The following LRP5 variants were observed in gnomAD, a reference collection of about 807,000 sequenced individuals.
LRP5 encodes the protein low-density lipoprotein receptor-related protein 5.
LRP5 carries 62 observed loss-of-function variants against 154.1 expected under a neutral mutation model. The ratio of observed to expected loss-of-function variants is 0.40; its 90% CI spans 0.33 to 0.50. The LOEUF is 0.50. Ranked by LOEUF, LRP5 falls within the 20% of genes least tolerant of loss-of-function variation. The probability of loss-of-function intolerance (pLI) is 0.55; values close to 1 mark genes in which losing one functional copy is unlikely to be tolerated. For missense variants in LRP5, 1,915 were observed against 2,336.7 expected, an observed-to-expected ratio of 0.82 and a Z score of 3.72; for synonymous variants, 966 against 1,011.5, an observed-to-expected ratio of 0.96 and a Z score of 0.85.
At chr11:68,444,728 G>T (rs1160756160) in intron 21 of LRP5, among the ~76,000 whole-genome samples, 1 of 152,048 alleles carries the variant, frequency 6.6e-6, no homozygotes, top group Non-Finnish European at 1.5e-5. Context: ...ACTGCCTTGG[G>T]ATGTAGGAGA....
intron 1 of LRP5, among the ~76,000 whole-genome samples, chr11:68,313,524 G>C (rs1274857087): frequency 1.3e-5 from 2 of 152,194 alleles, no homozygotes; most frequent in African/African-American, 2.4e-5. Context: ...GAGGTAGGGC[G>C]GGGGAACTTT....
intron 5 of LRP5, among the ~76,000 whole-genome samples, chr11:68,374,190 C>T (rs1440261801): frequency 6.6e-6 from 1 of 152,226 alleles, no homozygotes; most frequent in African/African-American, 2.4e-5. Flanking sequence ...AGACTGACAG[C>T]TGGAGCCGAC....
At chr11:68,385,524 C>T (rs1168517358) in intron 5 of LRP5, among the ~76,000 whole-genome samples, 1 of 152,234 alleles carries the variant, frequency 6.6e-6, no homozygotes, top group East Asian at 1.9e-4. Context: ...ATCCAAGGAG[C>T]CAGGGCCCTG....
At chr11:68,369,938 GTC>G (rs2153142837) in intron 5 of LRP5, among the ~76,000 whole-genome samples, 1 of 152,252 alleles carries the variant, frequency 6.6e-6, no homozygotes, top group East Asian at 1.9e-4. Flanking sequence ...CAGCTGCCAT[GTC>G]CACTGTCCAT....
Position 68,327,408 on chromosome 11 carries a change from G to A in LRP5, c.91+14603G>A, listed in dbSNP as rs565989610. Among the ~76,000 whole-genome samples the A allele has an allele frequency of 5.9e-5, 9 of 152,338 alleles. No homozygotes were observed. The South Asian group carries it at 1.7e-3, about 28-fold the overall frequency. ...CAGGTATGGGGAGGGTCACCCCAGC[G>A]CCTCTGCGGATCTGACCCACTGGCT... On this transcript the variant is annotated intron_variant, in intron 1 of 22. Transcript: ENST00000294304.
At chr11:68,438,082 C>T (rs745373387) in intron 19 of LRP5, among the ~76,000 whole-genome samples, 6 of 152,206 alleles carry the variant, frequency 3.9e-5, no homozygotes, top group South Asian at 2.1e-4. Context: ...CAGGGGCTGC[C>T]TGGCTTTGCT....
rs1211463287 is a variant in LRP5, at chr11:68,353,544, G to A, written c.489-4106G>A. 6.6e-6 allele frequency among the ~76,000 whole-genome samples: 1 copy of A among 152,184 alleles called. No homozygotes were observed. Among genetic ancestry groups the A allele is most frequent in the Non-Finnish European group, 1.5e-5 (1 of 68,038 alleles). Reference sequence around the variant, plus strand: ...TAGTGGTCCTCAGGCATAAGTGTGGGCGCTGAGTCCTGGGGCAGGACTGCT... The same window carrying A: ...TAGTGGTCCTCAGGCATAAGTGTGGACGCTGAGTCCTGGGGCAGGACTGCT... On this transcript the variant is annotated intron_variant, in intron 2 of 22. Transcript: ENST00000294304. This position sits in a 1 kb window ranked among gnomAD's most constrained non-coding sequence, Gnocchi z 4.5.
chr11:68,368,213 G>A (rs1388503878), intron 5 of LRP5, among the ~76,000 whole-genome samples: 2 of 152,208 alleles, frequency 1.3e-5, no homozygotes, highest in Admixed American at 6.5e-5. Flanking sequence ...CGAGGCACAC[G>A]TGTGGTGGGG....
the LRP5 span, among the ~76,000 whole-genome samples, chr11:68,303,961 A>G: frequency 6.6e-6 from 1 of 152,248 alleles, no homozygotes; most frequent in Non-Finnish European, 1.5e-5. Context: ...CAAAGAAAGA[A>G]AAAGCTTTTT....
At chr11:68,389,735 G>A (rs1326964114) in intron 6 of LRP5, 146 bp from the exon 7 acceptor site, 3 of 793,832 alleles carry the variant, frequency 3.8e-6, no homozygotes, top group African/African-American at 3.4e-5. Flanking sequence ...TACGAGCACC[G>A]ACATTTACTG....
rs578011670 is a variant in LRP5 at position 68,438,605 on chromosome 11, A to C, written c.4271A>C (p.His1424Pro). 1 of 1,613,910 alleles carries C rather than the reference A, an allele frequency of 6.2e-7. No homozygotes were observed. The highest frequency in any genetic ancestry group is 1.3e-5 in the African/African-American group (1 of 75,052). The change falls in exon 20 of 23, where the codon CAC becomes CCC. Residue 1424 changes from histidine to proline, a missense_variant. By Grantham distance (77) the His-to-Pro change is moderately conservative (BLOSUM62 -2). Coordinates refer to ENST00000294304, the MANE Select transcript of LRP5 (RefSeq NM_002335.4). The stretch of plus-strand genomic sequence containing the variant: ...GCGGGGGCCAACGGGCCCTTCCCGC[A>C]CGAGTATGTCAGCGGGACCCCGCAC... The part of the protein sequence containing the change: ...RYAGANGPFP[H>P]EYVSGTPHVP...
chr11:68,428,136 G>A (rs982537022), intron 16 of LRP5, among the ~76,000 whole-genome samples: 2 of 151,662 alleles, frequency 1.3e-5, no homozygotes, highest in African/African-American at 2.4e-5. Context: ...GGGATTACAG[G>A]CACCCACCAC....
In LRP5 at chr11:68,439,886, G is replaced by T. The variant is rs75571306; in HGVS notation, c.4458G>T (p.Ser1486=). 2.2e-3 allele frequency: 3,438 copies of T among 1,574,316 alleles called. 71 individuals carry two copies. The African/African-American group carries it at 0.041, about 19-fold the overall frequency. The change falls in exon 21 of 23, where the codon TCG becomes TCT. Residue 1486 remains serine (S), a synonymous_variant. Transcript: ENST00000294304. ...NHVTGASSSS[S]SSTKATLYPP... ...TCACAGGGGCCTCGTCCAGCAGCTC[G>T]TCCAGCACGAAGGCCACGCTGTACC...
Position 68,390,058 on chromosome 11 carries a change from G to A in LRP5, c.1584+6G>A, listed in dbSNP as rs534512623. The stretch of plus-strand genomic sequence containing the variant: ...CCAAGACAGACAAGATCGAGGTGAG[G>A]CTCCTGTGGACATGTTTGATCCAGG... On this transcript the variant is annotated splice_donor_region_variant and intron_variant, in intron 7 of 22. Coordinates refer to ENST00000294304, the MANE Select transcript of LRP5 (RefSeq NM_002335.4). The A allele has an allele frequency of 6.2e-7, 1 of 1,614,214 alleles. No homozygotes were observed. Among genetic ancestry groups the A allele is most frequent in the Non-Finnish European group, 8.5e-7 (1 of 1,180,026 alleles).
chr11:68,310,637 G>A (rs2098587120), upstream of LRP5, among the ~76,000 whole-genome samples: 1 of 150,430 alleles, frequency 6.6e-6, no homozygotes, highest in South Asian at 2.1e-4. Flanking sequence ...AACAACAAAA[G>A]CTAACTACTT....
chr11:68,439,828 G>A lies in LRP5; in HGVS notation c.4400G>A (p.Arg1467Gln), dbSNP rs150332207. Residue 1467 changes from arginine (R) to glutamine (Q), a missense_variant, in exon 21 of 23, where the codon CGG (arginine) becomes CAG (glutamine). Physicochemically the swap from Arg to Gln is conservative, Grantham distance 43 (BLOSUM62 1). Around this residue, in one of 3 missense-constraint regions of LRP5, gnomAD observed 1,094 missense variants for 1,210.1 expected, o/e 0.90. Transcript: ENST00000294304. ...AGCTCCGTGAGCCTGATGGGGGGCC[G>A]GGGCGGGGTGCCCCTCTACGACCGG... The part of the protein sequence containing the change: ...MMSSVSLMGG[R>Q]GGVPLYDRNH... 3.9e-5 allele frequency: 63 copies of A among 1,611,228 alleles called. No homozygotes were observed. In the South Asian group the frequency reaches 5.1e-4, roughly 13 times the overall value.
intron 1 of LRP5, among the ~76,000 whole-genome samples, chr11:68,333,298 T>A (rs2098603958): frequency 6.6e-6 from 1 of 152,204 alleles, no homozygotes; most frequent in Admixed American, 6.5e-5. Context: ...CACGAGAAGC[T>A]AAGGTATGGT....
At chr11:68,404,589 C>T (rs1209727029) in intron 8 of LRP5, among the ~76,000 whole-genome samples, 1 of 152,146 alleles carries the variant, frequency 6.6e-6, no homozygotes, top group Non-Finnish European at 1.5e-5. Flanking sequence ...TGAGTGCTTC[C>T]TTCATGGCCT....
chr11:68,349,983 C>A (rs929385631), intron 2 of LRP5, among the ~76,000 whole-genome samples: 1 of 152,210 alleles, frequency 6.6e-6, no homozygotes, highest in African/African-American at 2.4e-5. Context: ...CACCCCCAGG[C>A]TCAGTTGGAA....
Sources: allele counts gnomAD v4.1 joint callset (sites outside exome capture counted in the v4.1 genomes callset), GRCh38; gene constraint gnomAD v4.1.1; regional missense constraint gnomAD v4.1.1; non-coding constraint Gnocchi (gnomAD v3.1); transcripts MANE v1.5; gene names NCBI Gene and HGNC (gene_info 2026-07-23, HGNC 2026-07-21).